The following PKHD1L1 variants were observed in gnomAD, a reference collection of about 807,000 sequenced individuals.
PKHD1L1 encodes the protein PKHD1 like 1.
PKHD1L1 carries 434 observed loss-of-function variants against 462.9 expected under a neutral mutation model. The ratio of observed to expected loss-of-function variants is 0.94; its 90% CI spans 0.87 to 1.02. The LOEUF (loss-of-function observed/expected upper bound fraction) is 1.02, where lower values mean the gene tolerates loss of function less well. PKHD1L1 is among the 50% of genes least tolerant of loss of function. The probability of loss-of-function intolerance (pLI) is 0.00; values close to 1 mark genes in which losing one functional copy is unlikely to be tolerated. For synonymous variants in PKHD1L1, 1,781 were observed against 1,750.0 expected (o/e 1.02, Z -0.44); for missense variants, 5,202 against 5,096.1 (o/e 1.02, Z -0.63).
At chr8:109,417,711 A>G (rs1287279872) in intron 21 of PKHD1L1, among the ~76,000 whole-genome samples, 3 of 151,922 alleles carry the variant, frequency 2.0e-5, no homozygotes, top group African/African-American at 7.3e-5. Flanking sequence ...CACCCCGCCC[A>G]GCTAATTTTT....
At chr8:109,412,151 T>C (rs1813888690) in intron 19 of PKHD1L1, 114 bp from the exon 20 acceptor site, 1 of 965,962 alleles carries the variant, frequency 1.0e-6, no homozygotes, top group South Asian at 2.0e-5. Context: ...AAAGTTAAAG[T>C]AATCAGGGAA....
intron 24 of PKHD1L1, among the ~76,000 whole-genome samples, chr8:109,425,586 A>G (rs1563528032): frequency 6.6e-6 from 1 of 152,080 alleles, no homozygotes; most frequent in Non-Finnish European, 1.5e-5. Flanking sequence ...AATTTTTTAT[A>G]GCCATTTTTT....
At chr8:109,465,312 A>T (rs927826496) in intron 49 of PKHD1L1, 67 bp downstream of exon 49, 8 of 1,511,170 alleles carry the variant, frequency 5.3e-6, no homozygotes, top group Non-Finnish European at 7.1e-6. Context: ...ACAGAATTGA[A>T]TTGTTAAAGC....
At chr8:109,434,208 CT>C (rs1301254786) in intron 28 of PKHD1L1, among the ~76,000 whole-genome samples, 3 of 151,860 alleles carry the variant, frequency 2.0e-5, no homozygotes, top group Non-Finnish European at 4.4e-5. Context: ...TGTAATAAAC[CT>C]GCATGTTCTG....
intron 43 of PKHD1L1, among the ~76,000 whole-genome samples, chr8:109,453,340 G>A (rs562054531): frequency 7.9e-5 from 12 of 152,300 alleles, no homozygotes; most frequent in African/African-American, 2.6e-4. Context: ...TGGAAGATAG[G>A]TTGTGATTTT....
At chr8:109,425,753 C>A (rs1814712301) in intron 24 of PKHD1L1, among the ~76,000 whole-genome samples, 1 of 152,004 alleles carries the variant, frequency 6.6e-6, no homozygotes, top group Non-Finnish European at 1.5e-5. Flanking sequence ...TAAAAGTCAT[C>A]TATAATTGAA....
intron 77 of PKHD1L1, among the ~76,000 whole-genome samples, chr8:109,527,709 T>C (rs571588775): frequency 2.0e-4 from 31 of 152,266 alleles, no homozygotes; most frequent in Middle Eastern, 6.8e-3. Context: ...TTCTAGAACC[T>C]CTGTCTCTTC....
chr8:109,418,623 C>A (rs1164008717), intron 21 of PKHD1L1, among the ~76,000 whole-genome samples: 1 of 152,268 alleles, frequency 6.6e-6, no homozygotes, highest in Middle Eastern at 3.4e-3. Flanking sequence ...ACCCTTCTAG[C>A]ACTTAGAACA....
intron 46 of PKHD1L1, among the ~76,000 whole-genome samples, chr8:109,459,325 T>C (rs1034749997): frequency 4.6e-5 from 7 of 152,156 alleles, no homozygotes. Flanking sequence ...TATAAATGAA[T>C]AGTTTTCCAA....
intron 71 of PKHD1L1, among the ~76,000 whole-genome samples, chr8:109,513,735 C>T (rs1697204296): frequency 6.6e-6 from 1 of 152,100 alleles, no homozygotes; most frequent in Non-Finnish European, 1.5e-5. Context: ...CCACTCTTGA[C>T]TCCTCTCTTT....
rs538110531 is a variant in PKHD1L1, at chr8:109,433,003, C to A, written c.3230-103C>A. On this transcript the variant is annotated intron_variant, in intron 27 of 77. Transcript: ENST00000378402. The stretch of plus-strand genomic sequence containing the variant: ...CTCCTGTTAGGCTTATTGTTTATAT[C>A]TTTTGAAGATAGACTTATTTTTATT... 2.4e-5 allele frequency: 20 copies of A among 846,980 alleles called. No homozygotes were observed. The South Asian group carries it at 3.3e-4, about 14-fold the overall frequency. The allele number at this position is 846,980 out of a possible 1,614,324, so 52.5% of individuals were successfully genotyped here. A position where few individuals can be genotyped will look rare whatever the true frequency, so the allele number is the denominator to read the frequency against.
chr8:109,396,210 T>C lies in PKHD1L1; in HGVS notation c.922+73T>C, dbSNP rs73700877. 5,469 of 1,052,354 alleles carry C rather than the reference T, an allele frequency of 5.2e-3. 209 individuals carry two copies. In the African/African-American group the frequency reaches 0.077, roughly 15 times the overall value. The allele number at this position is 1,052,354 out of a possible 1,614,324, so 65.2% of individuals were successfully genotyped here. On this transcript the variant is annotated intron_variant, in intron 11 of 77. Transcript: ENST00000378402. ...CCTGCTCTTTAATAATTTGTAATAA[T>C]AATAATAGTCTTTTCTCAACTCATG... is the stretch of plus-strand genomic sequence containing the variant.
intron 55 of PKHD1L1, chr8:109,480,700 A>G: frequency 2.3e-6 from 1 of 432,978 alleles, no homozygotes; most frequent in South Asian, 1.7e-5. Context: ...AGAATTGCTT[A>G]GCCAAAAAGC....
At chr8:109,481,658 T>C in intron 56 of PKHD1L1, 96 bp downstream of exon 56, 2 of 1,114,530 alleles carry the variant, frequency 1.8e-6, no homozygotes, top group Admixed American at 4.1e-5. Context: ...TAATGATAAA[T>C]ACTTTATCAT....
At chr8:109,509,581 GA>G (rs145580729) in intron 70 of PKHD1L1, among the ~76,000 whole-genome samples, 2,372 of 150,248 alleles carry the variant, frequency 0.016, 36 homozygotes, top group Middle Eastern at 0.051. Context: ...AATTCCCCAA[GA>G]TAAAAGTTAC....
At chr8:109,395,999 T>C (rs773793559) in intron 10 of PKHD1L1, 28 bp from the exon 11 acceptor site, 4 of 1,442,808 alleles carry the variant, frequency 2.8e-6, no homozygotes, top group Admixed American at 1.9e-5. Flanking sequence ...ATATTTATGA[T>C]ATTTTATTTA....
At position 109,448,254 on chromosome 8, in the gene PKHD1L1, G is replaced by A; in HGVS notation, c.5888G>A (p.Ser1963Asn). The change falls in exon 39 of 78, where the codon AGT becomes AAT. Residue 1963 changes from serine (S) to asparagine (N), a missense_variant. Physicochemically the swap from Ser to Asn is conservative, Grantham distance 46. This residue lies in a region of PKHD1L1 where 4,497 missense variants were observed against 4,336.8 expected (regional missense o/e 1.04). Transcript: ENST00000378402. ...IQCNVTMAND[S>N]VVQCIVGDHA... The stretch of plus-strand genomic sequence containing the variant: ...TGTAATGTAACCATGGCCAATGATA[G>A]TGTGGTGCAGTGCATCGTGGGAGAT... 1.9e-6 allele frequency: 3 copies of A among 1,613,582 alleles called. No individual in the cohort carries two copies. The highest frequency in any genetic ancestry group is 2.5e-6 in the Non-Finnish European group (3 of 1,179,782).
chr8:109,410,506 A>G (rs1813782312), intron 19 of PKHD1L1, among the ~76,000 whole-genome samples: 1 of 151,890 alleles, frequency 6.6e-6, no homozygotes, highest in Non-Finnish European at 1.5e-5. Context: ...CCACTTTTAA[A>G]CAACCAGACC....
chr8:109,456,203 G>T (rs983422190), intron 45 of PKHD1L1, 59 bp from the exon 46 acceptor site: 10 of 1,516,294 alleles, frequency 6.6e-6, no homozygotes, highest in Non-Finnish European at 8.8e-6. Context: ...AATGTATAAA[G>T]TTCTCAATAA....
Sources: gnomAD v4.1 joint callset for allele counts (sites outside exome capture counted in the v4.1 genomes callset) on GRCh38, gnomAD v4.1.1 for gene constraint, gnomAD v4.1.1 regional missense constraint, MANE v1.5 for transcripts, NCBI Gene and HGNC (gene_info 2026-07-23, HGNC 2026-07-21) for gene names.